Variants in ITGBL1 observed in about 807,000 individuals in gnomAD.
ITGBL1 encodes the protein integrin subunit beta like 1.
A neutral mutation model predicts 68.5 loss-of-function variants in ITGBL1; 51 were observed. That is an observed-to-expected ratio of 0.74 (90% CI 0.59 to 0.94). The LOEUF (loss-of-function observed/expected upper bound fraction) is 0.94, where lower values mean the gene tolerates loss of function less well. ITGBL1 is among the 40% of genes least tolerant of loss of function. The pLI, the probability that ITGBL1 is intolerant of heterozygous loss-of-function variation, is 0.00. For missense variants in ITGBL1, 649 were observed against 647.4 expected, an observed-to-expected ratio of 1.00 and a Z score of -0.03; for synonymous variants, 209 against 227.3, an observed-to-expected ratio of 0.92 and a Z score of 0.72.
intron 2 of ITGBL1, among the ~76,000 whole-genome samples, chr13:101,541,407 T>G (rs544028356): frequency 6.6e-6 from 1 of 152,312 alleles, no homozygotes; most frequent in Admixed American, 6.5e-5. Context: ...TGAAGCCCAC[T>G]TGATCACGGT....
At chr13:101,537,517 A>G (rs2049600265) in intron 2 of ITGBL1, among the ~76,000 whole-genome samples, 1 of 152,040 alleles carries the variant, frequency 6.6e-6, no homozygotes, top group East Asian at 1.9e-4. Flanking sequence ...GTCAAATTAA[A>G]ATGAAAGTGT....
At chr13:101,688,543 G>A (rs2033808832) in intron 7 of ITGBL1, among the ~76,000 whole-genome samples, 1 of 152,184 alleles carries the variant, frequency 6.6e-6, no homozygotes, top group African/African-American at 2.4e-5. Flanking sequence ...AAACTCTGTT[G>A]AAGAATCTAG....
chr13:101,664,704 CT>C (rs1211644927), intron 7 of ITGBL1, among the ~76,000 whole-genome samples: 1 of 152,086 alleles, frequency 6.6e-6, no homozygotes, highest in African/African-American at 2.4e-5. Flanking sequence ...GCCTATTTGT[CT>C]GATCTTGTAC....
intron 4 of ITGBL1, among the ~76,000 whole-genome samples, chr13:101,576,529 T>C (rs2050362181): frequency 6.6e-6 from 1 of 152,184 alleles, no homozygotes; most frequent in Admixed American, 6.5e-5. Context: ...GGATTCCAGT[T>C]GAAGGAAGAC....
At chr13:101,699,708 C>A (rs1274447834) in intron 8 of ITGBL1, among the ~76,000 whole-genome samples, 1 of 152,188 alleles carries the variant, frequency 6.6e-6, no homozygotes, top group African/African-American at 2.4e-5. Context: ...TTGGGCAGTT[C>A]TTTAAACACA....
At chr13:101,469,473 C>A (rs374034383) in intron 2 of ITGBL1, among the ~76,000 whole-genome samples, 1 of 152,088 alleles carries the variant, frequency 6.6e-6, no homozygotes, top group African/African-American at 2.4e-5. Flanking sequence ...CCTGAGGTCA[C>A]GAGTTCGAGA....
At chr13:101,633,742 A>C (rs1016678937) in intron 7 of ITGBL1, among the ~76,000 whole-genome samples, 1 of 152,208 alleles carries the variant, frequency 6.6e-6, no homozygotes, top group African/African-American at 2.4e-5. Context: ...GTTGTATCTC[A>C]GTGAGACTTT....
At chr13:101,616,256 A>T (rs1343479321) in intron 7 of ITGBL1, among the ~76,000 whole-genome samples, 1 of 152,172 alleles carries the variant, frequency 6.6e-6, no homozygotes, top group Non-Finnish European at 1.5e-5. Flanking sequence ...CACGAAGCAC[A>T]GAAAGATGAA....
intron 7 of ITGBL1, among the ~76,000 whole-genome samples, chr13:101,637,368 G>A (rs942743269): frequency 1.5e-5 from 2 of 135,586 alleles, no homozygotes; most frequent in African/African-American, 2.9e-5. Flanking sequence ...TTTTGAGACA[G>A]AGTCTCACTC....
chr13:101,619,913 T>C (rs1232739206), intron 7 of ITGBL1, among the ~76,000 whole-genome samples: 1 of 152,140 alleles, frequency 6.6e-6, no homozygotes, highest in Admixed American at 6.6e-5. Flanking sequence ...CCAGTCCTCT[T>C]ATAACTTTTT....
At chr13:101,606,112 C>CTG (rs1566754854) in intron 7 of ITGBL1, among the ~76,000 whole-genome samples, 1 of 125,328 alleles carries the variant, frequency 8.0e-6, no homozygotes, top group Non-Finnish European at 1.6e-5. Flanking sequence ...CTCTCTCTCT[C>CTG]TATATATATA....
intron 2 of ITGBL1, among the ~76,000 whole-genome samples, chr13:101,538,811 ATACT>A (rs1392904012): frequency 2.0e-5 from 3 of 152,288 alleles, no homozygotes; most frequent in South Asian, 2.1e-4. Context: ...GATTTAAGAA[ATACT>A]TACATAGTGT....
At chr13:101,623,318 C>T (rs2031657852) in intron 7 of ITGBL1, among the ~76,000 whole-genome samples, 1 of 151,756 alleles carries the variant, frequency 6.6e-6, no homozygotes, top group African/African-American at 2.4e-5. Flanking sequence ...CCTCTTAAGG[C>T]CCACAGTAAT....
At chr13:101,708,723 G>A (rs999076835) in intron 9 of ITGBL1, among the ~76,000 whole-genome samples, 2 of 152,200 alleles carry the variant, frequency 1.3e-5, no homozygotes, top group African/African-American at 4.8e-5. Context: ...GAAAATGAAT[G>A]CAGATGTATT....
intron 8 of ITGBL1, among the ~76,000 whole-genome samples, chr13:101,699,487 G>A (rs1329151153): frequency 6.6e-6 from 1 of 152,188 alleles, no homozygotes; most frequent in East Asian, 1.9e-4. Flanking sequence ...TTTTCTCCAT[G>A]TTATTCTCAT....
intron 7 of ITGBL1, among the ~76,000 whole-genome samples, chr13:101,641,269 T>C (rs75526965): frequency 0.012 from 1,820 of 152,264 alleles, 44 homozygotes; most frequent in African/African-American, 0.042. Context: ...TGTCAAGTAA[T>C]GGTTGTTAAA....
intron 3 of ITGBL1, among the ~76,000 whole-genome samples, chr13:101,570,339 A>G (rs1157338665): frequency 6.6e-6 from 1 of 151,846 alleles, no homozygotes; most frequent in African/African-American, 2.4e-5. Flanking sequence ...GCAATTCTTT[A>G]CTTGTTGGCA....
intron 2 of ITGBL1, among the ~76,000 whole-genome samples, chr13:101,495,577 C>A (rs1476563152): frequency 1.3e-5 from 2 of 152,012 alleles, no homozygotes; most frequent in Non-Finnish European, 2.9e-5. Flanking sequence ...TTCTGGGTCC[C>A]CACACTTTTT....
In ITGBL1 at chr13:101,692,850, T is replaced by G. The variant is rs185848783; in HGVS notation, c.1132+149T>G. ...CATTGAACCTAAAAGCAATATACAATTAGGTTTGTAATGACTTTTATTTCC... is the reference window on the plus strand; with the variant it reads ...CATTGAACCTAAAAGCAATATACAAGTAGGTTTGTAATGACTTTTATTTCC... On this transcript the variant is annotated intron_variant, in intron 8 of 10. Coordinates refer to ENST00000376180, the MANE Select transcript of ITGBL1 (RefSeq NM_004791.3). 584 of 658,524 alleles carry G rather than the reference T, an allele frequency of 8.9e-4. 1 individual carries two copies. Among genetic ancestry groups the G allele is most frequent in the Non-Finnish European group, 1.3e-3 (480 of 362,920 alleles). The allele number at this position is 658,524 out of a possible 1,614,324, so 40.8% of individuals were successfully genotyped here. A position where few individuals can be genotyped will look rare whatever the true frequency, so the allele number is the denominator to read the frequency against.
Sources: gnomAD v4.1 joint callset for allele counts (sites outside exome capture counted in the v4.1 genomes callset) on GRCh38, gnomAD v4.1.1 for gene constraint, MANE v1.5 for transcripts, NCBI Gene and HGNC (gene_info 2026-07-23, HGNC 2026-07-21) for gene names.